KCNIP1: variants seen among roughly 807,000 people sequenced by gnomAD.
The protein encoded by KCNIP1 is A-type potassium channel modulatory protein KCNIP1.
Under a neutral mutation model 33.0 loss-of-function variants are expected in KCNIP1, and 18 were observed. That is an observed-to-expected ratio of 0.55 (90% confidence interval 0.38 to 0.81). The LOEUF (loss-of-function observed/expected upper bound fraction) is 0.81. KCNIP1 is among the 30% of genes least tolerant of loss of function. The probability of loss-of-function intolerance (pLI) is 0.00; values close to 1 mark genes in which losing one functional copy is unlikely to be tolerated. For missense variants in KCNIP1, 238 were observed against 271.6 expected (o/e 0.88, Z 0.87); for synonymous variants, 93 against 98.3 (o/e 0.95, Z 0.32).
At chr5:170,661,400 T>C (rs1761479625) in intron 1 of KCNIP1, among the ~76,000 whole-genome samples, 1 of 152,184 alleles carries the variant, frequency 6.6e-6, no homozygotes, top group Admixed American at 6.5e-5. Context: ...TTTAATGGCC[T>C]GTAAAATGAG....
At chr5:170,354,120 G>A (rs565713733) in intron 1 of KCNIP1, among the ~76,000 whole-genome samples, 195 of 152,292 alleles carry the variant, frequency 1.3e-3, no homozygotes, top group African/African-American at 4.4e-3. Context: ...GACAACCTGC[G>A]TCCTGGCTTT....
intron 1 of KCNIP1, among the ~76,000 whole-genome samples, chr5:170,511,725 T>G (rs1376651809): frequency 1.3e-5 from 2 of 152,214 alleles, no homozygotes; most frequent in African/African-American, 2.4e-5. Context: ...ATTTTGCAGT[T>G]GAGGAACCTG....
intron 1 of KCNIP1, chr5:170,383,844 C>A (rs1764356891): frequency 6.2e-7 from 1 of 1,613,896 alleles, no homozygotes; most frequent in East Asian, 2.2e-5. Flanking sequence ...ATTCCTGGGT[C>A]CACACGCTGA....
chr5:170,543,545 C>T (rs1261583369), intron 1 of KCNIP1, among the ~76,000 whole-genome samples: 1 of 152,154 alleles, frequency 6.6e-6, no homozygotes, highest in Non-Finnish European at 1.5e-5. Flanking sequence ...TAGACAAAAT[C>T]CTATCTTAGC....
chr5:170,657,293 G>C (rs1761310279), intron 1 of KCNIP1, among the ~76,000 whole-genome samples: 1 of 152,160 alleles, frequency 6.6e-6, no homozygotes, highest in East Asian at 1.9e-4. Context: ...ACCATGCCCA[G>C]CCAACTCAGT....
At chr5:170,733,732 T>C (rs1348791138) in intron 6 of KCNIP1, 104 bp from the exon 7 acceptor site, 1 of 926,508 alleles carries the variant, frequency 1.1e-6, no homozygotes, top group Non-Finnish European at 1.7e-6. Context: ...ATGAATGAAA[T>C]GAGCTCCAGC....
chr5:170,414,130 A>G (rs1391885046), intron 1 of KCNIP1, among the ~76,000 whole-genome samples: 1 of 152,226 alleles, frequency 6.6e-6, no homozygotes, highest in Admixed American at 6.5e-5. Context: ...GAGTGTTGCA[A>G]TCAGTTAGCA....
At chr5:170,567,107 G>A (rs1757231607) in intron 1 of KCNIP1, among the ~76,000 whole-genome samples, 1 of 152,220 alleles carries the variant, frequency 6.6e-6, no homozygotes, top group African/African-American at 2.4e-5. Context: ...GGCCATCTTA[G>A]GTCAGAGGCA....
intron 1 of KCNIP1, among the ~76,000 whole-genome samples, chr5:170,386,475 A>G (rs1008188627): frequency 2.0e-5 from 3 of 152,194 alleles, no homozygotes; most frequent in Non-Finnish European, 4.4e-5. Flanking sequence ...CAACAGTCAT[A>G]GGTCCCATGC....
In KCNIP1 at chr5:170,721,927, T is replaced by C. The variant is rs369312679; in HGVS notation, c.327+24T>C. ...AGGTACGCTCATCTGGGGTCCACTC[T>C]AGGGGTCCTCTGGTTCTGCATCACC... On this transcript the variant is annotated intron_variant, in intron 4 of 7. Transcript: ENST00000328939. 6.8e-6 allele frequency: 11 copies of C among 1,613,424 alleles called. No individual in the cohort carries two copies. In the African/African-American group the frequency reaches 1.1e-4, roughly 16 times the overall value.
chr5:170,457,337 G>A (rs1411920703), intron 1 of KCNIP1, among the ~76,000 whole-genome samples: 1 of 152,198 alleles, frequency 6.6e-6, no homozygotes, highest in Non-Finnish European at 1.5e-5. Flanking sequence ...ACCACCACAT[G>A]TCAGGAAGAG....
At chr5:170,623,775 C>G (rs888592813) in intron 1 of KCNIP1, among the ~76,000 whole-genome samples, 2 of 152,166 alleles carry the variant, frequency 1.3e-5, no homozygotes, top group African/African-American at 4.8e-5. Context: ...GACTAACGCA[C>G]ATGATGTCAA....
At chr5:170,426,311 C>T (rs1459630355) in intron 1 of KCNIP1, among the ~76,000 whole-genome samples, 1 of 151,108 alleles carries the variant, frequency 6.6e-6, no homozygotes, top group Non-Finnish European at 1.5e-5. Context: ...TCAGTCATAT[C>T]AGCCCCCTGA....
At chr5:170,465,998 A>G (rs1039365960) in intron 1 of KCNIP1, among the ~76,000 whole-genome samples, 1 of 152,210 alleles carries the variant, frequency 6.6e-6, no homozygotes, top group Non-Finnish European at 1.5e-5. Flanking sequence ...GACAAGTGAG[A>G]GGATGTGTAC....
chr5:170,403,760 G>C (rs1286849150), intron 1 of KCNIP1, among the ~76,000 whole-genome samples: 3 of 152,160 alleles, frequency 2.0e-5, no homozygotes, highest in Non-Finnish European at 2.9e-5. Flanking sequence ...AGGAAGAACC[G>C]AACTATAGTT....
chr5:170,641,588 T>C (rs866052957), intron 1 of KCNIP1, among the ~76,000 whole-genome samples: 3 of 152,368 alleles, frequency 2.0e-5, no homozygotes, highest in Middle Eastern at 6.8e-3. Context: ...TGGACTTTCA[T>C]GCGTGGACTT....
intron 1 of KCNIP1, among the ~76,000 whole-genome samples, chr5:170,638,553 G>A (rs1319528912): frequency 6.6e-6 from 1 of 152,224 alleles, no homozygotes; most frequent in Non-Finnish European, 1.5e-5. Flanking sequence ...AGTCTCTGAA[G>A]ACTACAGCAA....
intron 1 of KCNIP1, among the ~76,000 whole-genome samples, chr5:170,658,794 A>G (rs1418207797): frequency 6.6e-6 from 1 of 152,198 alleles, no homozygotes; most frequent in Non-Finnish European, 1.5e-5. Flanking sequence ...CCAGATTTGC[A>G]TTTGAGACGG....
At chr5:170,487,311 A>G (rs1354240807) in intron 1 of KCNIP1, among the ~76,000 whole-genome samples, 3 of 152,198 alleles carry the variant, frequency 2.0e-5, no homozygotes, top group Admixed American at 6.5e-5. Context: ...CCTGCTTTAA[A>G]TGTTAATTTC....
Sources: gnomAD v4.1 joint callset for allele counts (sites outside exome capture counted in the v4.1 genomes callset) on GRCh38, gnomAD v4.1.1 for gene constraint, MANE v1.5 for transcripts, NCBI Gene and HGNC (gene_info 2026-07-23, HGNC 2026-07-21) for gene names.